The following MCF2 variants were observed in gnomAD, a reference collection of about 807,000 sequenced individuals.
MCF2 encodes proto-oncogene DBL.
A neutral mutation model predicts 82.5 loss-of-function variants in MCF2; 44 were observed. That is an observed-to-expected ratio of 0.53 (90% confidence interval 0.42 to 0.69). The LOEUF (loss-of-function observed/expected upper bound fraction) is 0.69, where lower values mean the gene tolerates loss of function less well. Ranked by LOEUF, MCF2 falls within the 30% of genes least tolerant of loss-of-function variation. The pLI, the probability that MCF2 is intolerant of heterozygous loss-of-function variation, is 0.00. For synonymous variants in MCF2, 217 were observed against 224.9 expected, an observed-to-expected ratio of 0.96 and a Z score of 0.32; for missense variants, 623 against 663.1, an observed-to-expected ratio of 0.94 and a Z score of 0.66.
intron 10 of MCF2, among the ~76,000 whole-genome samples, chrX:139,612,381 T>C (rs774607465): frequency 1.8e-5 from 2 of 111,017 alleles, no homozygotes; most frequent in African/African-American, 3.3e-5. Flanking sequence ...GATCCAGATT[T>C]AGGAGCTCAA....
chrX:139,627,637 C>A (rs1413008105), intron 4 of MCF2, among the ~76,000 whole-genome samples: 2 of 111,430 alleles, frequency 1.8e-5, no homozygotes, highest in Non-Finnish European at 3.8e-5. Context: ...GTAATAATAT[C>A]AACATTAAAA....
rs898642205 is a variant in MCF2 at position 139,651,887 on chromosome X, G to A, written c.-44-99C>T. The A allele has an allele frequency of 9.8e-6, 5 of 509,997 alleles. No individual in the cohort carries two copies. The African/African-American group carries it at 1.2e-4, about 12-fold the overall frequency. 42.0% of individuals were successfully genotyped at this position (509,997 alleles called of 1,213,427 possible). ...TCTCACTGTGTCTAAAATTATTCTG[G>A]GAGCCCCACAGGTCTGTGTCCACAG... On this transcript the variant is annotated intron_variant, in intron 1 of 27. Transcript: ENST00000414978.
chrX:139,642,529 C>A, exon 1 of MCF2: 3 of 1,210,597 alleles, frequency 2.5e-6, no homozygotes, highest in South Asian at 3.5e-5. Context: ...TTCGCCTGTA[C>A]GCAATTACAC....
At chrX:139,707,773 T>C (rs907573900) in intron 1 of MCF2, among the ~76,000 whole-genome samples, 4 of 111,752 alleles carry the variant, frequency 3.6e-5, no homozygotes, top group African/African-American at 9.8e-5. Context: ...TTTACAGTGG[T>C]GAAGTTCTAA....
rs147283063 is a variant in MCF2, at chrX:139,625,527, G to A, written c.687+666C>T. On this transcript the variant is annotated intron_variant, in intron 6 of 24. Coordinates refer to ENST00000370576, the Ensembl canonical transcript of MCF2. Reference sequence around the variant, plus strand: ...TACAAAGCAAGTAAGCCATTCATGGGCAGAAAACAAGCTGGGCACATGCAA... The same window carrying A: ...TACAAAGCAAGTAAGCCATTCATGGACAGAAAACAAGCTGGGCACATGCAA... Among the ~76,000 whole-genome samples the A allele has an allele frequency of 5.1e-3, 573 of 111,554 alleles. 4 individuals are homozygous for A. Among genetic ancestry groups the A allele is most frequent in the African/African-American group, 0.018 (553 of 30,733 alleles).
At chrX:139,692,530 G>A (rs1038820096) in intron 1 of MCF2, among the ~76,000 whole-genome samples, 4 of 112,081 alleles carry the variant, frequency 3.6e-5, no homozygotes, top group African/African-American at 1.3e-4. Context: ...TGTGGAGGAG[G>A]GACGCAAGGA....
intron 2 of MCF2, among the ~76,000 whole-genome samples, chrX:139,649,678 T>C (rs1933926232): frequency 8.9e-6 from 1 of 111,939 alleles, no homozygotes; most frequent in Non-Finnish European, 1.9e-5. Flanking sequence ...GATATTTACA[T>C]TCCAAATCAG....
chrX:139,615,397 G>A lies in MCF2; in HGVS notation c.1192-345C>T, dbSNP rs113097872. Among the ~76,000 whole-genome samples the A allele has an allele frequency of 3.3e-3, 363 of 111,674 alleles. 1 individual carries two copies. The highest frequency in any genetic ancestry group is 0.011 in the African/African-American group (350 of 30,823). On this transcript the variant is annotated intron_variant, in intron 9 of 24. Coordinates refer to ENST00000370576, the Ensembl canonical transcript of MCF2. ...CTGTTTAGCATAAGAAAGCCACCAA[G>A]TTATAAAAACAATCAAATGAATAAC...
intron 1 of MCF2, among the ~76,000 whole-genome samples, chrX:139,641,357 T>C (rs1263328346): frequency 9.1e-6 from 1 of 110,319 alleles, no homozygotes; most frequent in African/African-American, 3.3e-5. Flanking sequence ...ATTCTCATAA[T>C]ATAAAAACAT....
chrX:139,639,034 A>G (rs1198262943), intron 1 of MCF2, among the ~76,000 whole-genome samples: 1 of 111,915 alleles, frequency 8.9e-6, no homozygotes, highest in Non-Finnish European at 1.9e-5. Flanking sequence ...AGCATAGGGT[A>G]TCAGATGCAC....
chrX:139,692,016 A>C (rs1935281808), intron 1 of MCF2: 4 of 1,166,297 alleles, frequency 3.4e-6, no homozygotes, highest in Non-Finnish European at 4.6e-6. Context: ...CTGCAGAGGG[A>C]TCGCCTGGGC....
chrX:139,588,262 T>A (rs12688204), intron 21 of MCF2, 98 bp downstream of exon 25: 4 of 560,036 alleles, frequency 7.1e-6, no homozygotes, highest in South Asian at 7.7e-5. Context: ...TAGTATAAAG[T>A]AAATATCAGC....
chrX:139,685,507 C>G (rs1452591324), intron 1 of MCF2, among the ~76,000 whole-genome samples: 2 of 110,986 alleles, frequency 1.8e-5, no homozygotes, highest in African/African-American at 6.6e-5. Context: ...TCATGTACCC[C>G]CTGCTTGCTC....
At chrX:139,690,175 G>A (rs756701103) in intron 1 of MCF2, among the ~76,000 whole-genome samples, 19 of 107,777 alleles carry the variant, frequency 1.8e-4, no homozygotes, top group Non-Finnish European at 3.1e-4. Context: ...AATGCCACAG[G>A]AATGGGGGCC....
chrX:139,587,023 C>T (rs1337134996), intron 22 of MCF2, among the ~76,000 whole-genome samples: 1 of 111,771 alleles, frequency 8.9e-6, no homozygotes, highest in Non-Finnish European at 1.9e-5. Flanking sequence ...CTGATTTTAG[C>T]TACCTCAGAA....
Position 139,594,229 on chromosome X carries a change from A to C in MCF2, c.2277+2320T>G, listed in dbSNP as rs1196975362. ...TCACAGAATTGGAAAAAACTACTTT[A>C]AAGTTCATATGGAACCAAAAAAGAG... is the stretch of plus-strand genomic sequence containing the variant. On this transcript the variant is annotated intron_variant, in intron 19 of 24. Coordinates refer to ENST00000370576, the Ensembl canonical transcript of MCF2. Among the ~76,000 whole-genome samples the C allele has an allele frequency of 1.3e-3, 138 of 109,865 alleles. 1 individual carries two copies. The highest frequency in any genetic ancestry group is 3.7e-3 in the Admixed American group (38 of 10,261).
chrX:139,662,780 T>A (rs749298571), intron 1 of MCF2, among the ~76,000 whole-genome samples: 1 of 110,725 alleles, frequency 9.0e-6, no homozygotes, highest in South Asian at 3.9e-4. Context: ...TTTACCCACT[T>A]CTCTTCACCC....
At chrX:139,691,903 G>A (rs1402592446) in intron 1 of MCF2, 1 of 1,157,844 alleles carries the variant, frequency 8.6e-7, no homozygotes, top group African/African-American at 1.8e-5. Flanking sequence ...GAGATGAGAG[G>A]AGGGGACTTA....
chrX:139,592,269 C>T (rs1410247215), intron 19 of MCF2, among the ~76,000 whole-genome samples: 2 of 111,488 alleles, frequency 1.8e-5, no homozygotes, highest in Non-Finnish European at 3.8e-5. Flanking sequence ...AGTAAGTCAT[C>T]AAGCCCATCT....
Sources: allele counts gnomAD v4.1 joint callset (sites outside exome capture counted in the v4.1 genomes callset), GRCh38; gene constraint gnomAD v4.1.1; transcripts MANE v1.5; gene names NCBI Gene and HGNC (gene_info 2026-07-23, HGNC 2026-07-21).